The following KCNQ1OT1 variants were observed in gnomAD, a reference collection of about 807,000 sequenced individuals.
The protein encoded by KCNQ1OT1 is KCNQ1 antisense RNA 2 (non-protein coding).
chr11:2,668,320 C>A lies in KCNQ1OT1; in HGVS notation n.31675G>T. On this transcript the variant is annotated non_coding_transcript_exon_variant, in exon 1 of 1. Transcript: ENST00000597346. The surrounding 1 kb of genome is among the most constrained non-coding windows in gnomAD (Gnocchi z 4.3). ...AGGTTGCGTTTCTGGGGAATATATG[C>A]CTATGTGTGGAGCTGCAGGGTCCTG... 1 of 398,610 alleles carries A rather than the reference C, an allele frequency of 2.5e-6. No homozygotes were observed. The highest frequency in any genetic ancestry group is 4.4e-6 in the Non-Finnish European group (1 of 226,084). The allele number at this position is 398,610 out of a possible 1,614,324, so 24.7% of individuals were successfully genotyped here.
In KCNQ1OT1 at chr11:2,608,413, G is replaced by C; in HGVS notation, n.91582C>G. The C allele has an allele frequency of 2.5e-6, 1 of 398,502 alleles. No individual in the cohort carries two copies. The highest frequency in any genetic ancestry group is 3.6e-5 in the East Asian group (1 of 28,068). 24.7% of individuals were successfully genotyped at this position (398,502 alleles called of 1,614,324 possible). Reference sequence around the variant, plus strand: ...ATTTATTGGCACAAAATTGTTCATAGTGTTCCTTCATAATCCTTTTTATTT... The same window carrying C: ...ATTTATTGGCACAAAATTGTTCATACTGTTCCTTCATAATCCTTTTTATTT... On this transcript the variant is annotated non_coding_transcript_exon_variant, in exon 1 of 1. Transcript: ENST00000597346. This position sits in a 1 kb window ranked among gnomAD's most constrained non-coding sequence, Gnocchi z 4.6.
At chr11:2,680,486 G>A in exon 1 of KCNQ1OT1, 1 of 397,594 alleles carries the variant, frequency 2.5e-6, no homozygotes, top group Non-Finnish European at 4.4e-6. Flanking sequence ...TTTTTAATTT[G>A]GGCATTTTTT....
At position 2,691,736 on chromosome 11, in the gene KCNQ1OT1, G is replaced by A; in HGVS notation, n.8259C>T. The A allele has an allele frequency of 2.5e-6, 1 of 398,658 alleles. No homozygotes were observed. The highest frequency in any genetic ancestry group is 4.4e-5 in the Admixed American group (1 of 22,742). 24.7% of individuals were successfully genotyped at this position (398,658 alleles called of 1,614,324 possible). On this transcript the variant is annotated non_coding_transcript_exon_variant, in exon 1 of 1. Coordinates refer to ENST00000597346, the Ensembl canonical transcript of KCNQ1OT1. The surrounding 1 kb of genome is among the most constrained non-coding windows in gnomAD (Gnocchi z 6.4). ...GAGGCAGCCCACAGGGAGCCACACA[G>A]GCAGGGGACATTCCACTAGGGCCAT...
chr11:2,635,434 A>G (rs1228342300), exon 1 of KCNQ1OT1: 2 of 152,230 alleles, frequency 1.3e-5, no homozygotes, highest in Non-Finnish European at 2.9e-5. Flanking sequence ...TTTATTAAAT[A>G]GGGAATCCTT....
chr11:2,643,797 T>C (rs1233251554), exon 1 of KCNQ1OT1: 3 of 398,624 alleles, frequency 7.5e-6, no homozygotes, highest in Non-Finnish European at 1.3e-5. Flanking sequence ...ATTAATTCCC[T>C]GAGCTTTTAC....
exon 1 of KCNQ1OT1, chr11:2,619,143 C>T (rs1019201191): frequency 7.5e-6 from 3 of 398,442 alleles, no homozygotes; most frequent in Non-Finnish European, 1.3e-5. Context: ...TTACTTCTTA[C>T]TTCCTGATTT....
chr11:2,610,716 CTTTTT>C (rs1167505141), exon 1 of KCNQ1OT1: 3,190 of 227,266 alleles, frequency 0.014, no homozygotes, highest in African/African-American at 0.028. Flanking sequence ...TCTTGGTTGG[CTTTTT>C]TTTTTTTTTT....
At position 2,652,794 on chromosome 11, in the gene KCNQ1OT1, C is replaced by T. The variant is rs919226949; in HGVS notation, n.47201G>A. 1 of 399,022 alleles carries T rather than the reference C, an allele frequency of 2.5e-6. No individual in the cohort carries two copies. The highest frequency in any genetic ancestry group is 4.4e-5 in the Admixed American group (1 of 22,742). The allele number at this position is 399,022 out of a possible 1,614,324, so 24.7% of individuals were successfully genotyped here. On this transcript the variant is annotated non_coding_transcript_exon_variant, in exon 1 of 1. Transcript: ENST00000597346. This position sits in a 1 kb window ranked among gnomAD's most constrained non-coding sequence, Gnocchi z 5.9. Reference sequence around the variant, plus strand: ...CTCAGCGCCCCCGCTACTCAGACCCCACCCTTGGGCCTGCAGAGACATTTC... The same window carrying T: ...CTCAGCGCCCCCGCTACTCAGACCCTACCCTTGGGCCTGCAGAGACATTTC...
exon 1 of KCNQ1OT1, chr11:2,689,783 G>A (rs894064244): frequency 7.5e-5 from 30 of 398,714 alleles, no homozygotes; most frequent in African/African-American, 5.9e-4. Flanking sequence ...CAGCCTAGGA[G>A]GGGAGGGGAA....
chr11:2,627,514 C>A lies in KCNQ1OT1; in HGVS notation n.72481G>T, dbSNP rs574299058. The A allele has an allele frequency of 9.8e-4, 390 of 398,498 alleles. No homozygotes were observed. Among genetic ancestry groups the A allele is most frequent in the Admixed American group, 1.3e-3 (29 of 22,720 alleles). The allele number at this position is 398,498 out of a possible 1,614,324, so 24.7% of individuals were successfully genotyped here. A position where few individuals can be genotyped will look rare whatever the true frequency, so the allele number is the denominator to read the frequency against. ...TACTCTCCGTTTCTCTGAGTTCAAGCTTTTTAGAATTCCATATGTAACTGG... is the reference window on the plus strand; with the variant it reads ...TACTCTCCGTTTCTCTGAGTTCAAGATTTTTAGAATTCCATATGTAACTGG... On this transcript the variant is annotated non_coding_transcript_exon_variant, in exon 1 of 1. Coordinates refer to ENST00000597346, the Ensembl canonical transcript of KCNQ1OT1. The surrounding 1 kb of genome is among the most constrained non-coding windows in gnomAD (Gnocchi z 4.9).
exon 1 of KCNQ1OT1, chr11:2,692,631 A>C: frequency 2.5e-6 from 1 of 398,698 alleles, no homozygotes; most frequent in Non-Finnish European, 4.4e-6. Context: ...CTGTGCTCCC[A>C]GGCCTCAGCA....
Position 2,618,762 on chromosome 11 carries a change from A to G in KCNQ1OT1, n.81233T>C, listed in dbSNP as rs190032445. On this transcript the variant is annotated non_coding_transcript_exon_variant, in exon 1 of 1. Transcript: ENST00000597346. Reference sequence around the variant, plus strand: ...GATAGGGATTTTATTCAATCTGTATATTGATTTGGATATTATTGACATTTT... The same window carrying G: ...GATAGGGATTTTATTCAATCTGTATGTTGATTTGGATATTATTGACATTTT... 267 of 398,474 alleles carry G rather than the reference A, an allele frequency of 6.7e-4. No homozygotes were observed. Among genetic ancestry groups the G allele is most frequent in the African/African-American group, 4.4e-3 (215 of 48,756 alleles). 24.7% of individuals were successfully genotyped at this position (398,474 alleles called of 1,614,324 possible). A position where few individuals can be genotyped will look rare whatever the true frequency, so the allele number is the denominator to read the frequency against.
exon 1 of KCNQ1OT1, chr11:2,684,493 C>T (rs934079524): frequency 5.0e-6 from 2 of 398,636 alleles, no homozygotes; most frequent in Admixed American, 4.4e-5. Flanking sequence ...CTGAGTTCTC[C>T]TTCTATTCCT....
chr11:2,608,450 G>A lies in KCNQ1OT1; in HGVS notation n.91545C>T, dbSNP rs1479700967. ...AATCCTTTTTATTTCTGTCAGGTTG[G>A]TAGTATACTTCCCTCATTCATTCCT... On this transcript the variant is annotated non_coding_transcript_exon_variant, in exon 1 of 1. Coordinates refer to ENST00000597346, the Ensembl canonical transcript of KCNQ1OT1. The surrounding 1 kb of genome is among the most constrained non-coding windows in gnomAD (Gnocchi z 4.6). The A allele has an allele frequency of 7.5e-6, 3 of 398,232 alleles. No homozygotes were observed. Among genetic ancestry groups the A allele is most frequent in the South Asian group, 1.3e-4 (1 of 7,856 alleles). The allele number at this position is 398,232 out of a possible 1,614,324, so 24.7% of individuals were successfully genotyped here.
In KCNQ1OT1 at chr11:2,640,335, C is replaced by T. The variant is rs147288360; in HGVS notation, n.59660G>A. ...GCTATAGACTGGAGCTCCTCCTATT[C>T]GGCCATCTTGGAACCACCCCACTTA... is the stretch of plus-strand genomic sequence containing the variant. On this transcript the variant is annotated non_coding_transcript_exon_variant, in exon 1 of 1. Transcript: ENST00000597346. 3.7e-4 allele frequency: 146 copies of T among 398,486 alleles called. 1 individual carries two copies. In the East Asian group the frequency reaches 4.9e-3, roughly 13 times the overall value. 24.7% of individuals were successfully genotyped at this position (398,486 alleles called of 1,614,324 possible). A position where few individuals can be genotyped will look rare whatever the true frequency, so the allele number is the denominator to read the frequency against.
chr11:2,621,372 T>C lies in KCNQ1OT1; in HGVS notation n.78623A>G. 1 of 398,646 alleles carries C rather than the reference T, an allele frequency of 2.5e-6. No homozygotes were observed. The highest frequency in any genetic ancestry group is 3.6e-5 in the East Asian group (1 of 28,082). The allele number at this position is 398,646 out of a possible 1,614,324, so 24.7% of individuals were successfully genotyped here. A position where few individuals can be genotyped will look rare whatever the true frequency, so the allele number is the denominator to read the frequency against. On this transcript the variant is annotated non_coding_transcript_exon_variant, in exon 1 of 1. Coordinates refer to ENST00000597346, the Ensembl canonical transcript of KCNQ1OT1. This position sits in a 1 kb window ranked among gnomAD's most constrained non-coding sequence, Gnocchi z 5.7. Reference sequence around the variant, plus strand: ...TTTTAAGAAATGTATGTTCCTGTCCTTTGCCAATTCAATTGGATTATTCGT... The same window carrying C: ...TTTTAAGAAATGTATGTTCCTGTCCCTTGCCAATTCAATTGGATTATTCGT...
rs946330322 is a variant in KCNQ1OT1, at chr11:2,653,170, C to T, written n.46825G>A. 2.0e-5 allele frequency: 8 copies of T among 398,616 alleles called. No homozygotes were observed. The highest frequency in any genetic ancestry group is 1.4e-4 in the African/African-American group (7 of 48,654). The allele number at this position is 398,616 out of a possible 1,614,324, so 24.7% of individuals were successfully genotyped here. On this transcript the variant is annotated non_coding_transcript_exon_variant, in exon 1 of 1. Coordinates refer to ENST00000597346, the Ensembl canonical transcript of KCNQ1OT1. The surrounding 1 kb of genome is among the most constrained non-coding windows in gnomAD (Gnocchi z 5.3). The stretch of plus-strand genomic sequence containing the variant: ...AAGCCAATGTCCCACCTTAGGAAAT[C>T]CCTTTCCAAGAGTTCCCTGTGCTGT...
rs117092059 is a variant in KCNQ1OT1 at position 2,675,708 on chromosome 11, C to G, written n.24287G>C. ...CTCTGCCTTTCCCTGTCAAAAACCT[C>G]TTTGTGCTGGAGCAGCCCCTGCTCC... On this transcript the variant is annotated non_coding_transcript_exon_variant, in exon 1 of 1. Transcript: ENST00000597346. 1.1e-3 allele frequency: 458 copies of G among 398,716 alleles called. 4 individuals carry two copies. The East Asian group carries it at 0.016, about 14-fold the overall frequency. The allele number at this position is 398,716 out of a possible 1,614,324, so 24.7% of individuals were successfully genotyped here.
chr11:2,644,666 A>C, exon 1 of KCNQ1OT1: 1 of 398,556 alleles, frequency 2.5e-6, no homozygotes, highest in Non-Finnish European at 4.4e-6. Flanking sequence ...CTGGTGTAAC[A>C]GTAGTTTCTT....
Sources: allele counts gnomAD v4.1 joint callset, GRCh38; gene constraint gnomAD v4.1.1; non-coding constraint Gnocchi (gnomAD v3.1); transcripts MANE v1.5; gene names NCBI Gene and HGNC (gene_info 2026-07-23, HGNC 2026-07-21).